The following SRL variants were observed in gnomAD, a reference collection of about 807,000 sequenced individuals.
SRL encodes the protein sarcalumenin.
In SRL, 23 loss-of-function variants were observed where a neutral mutation model predicts 39.5. The observed-to-expected ratio is 0.58, with a 90% CI of 0.42 to 0.82. SRL has a LOEUF of 0.82. Among genes scored for constraint, SRL ranks in the 40% least tolerant of loss-of-function variants. The probability of loss-of-function intolerance (pLI) is 0.00; values close to 1 mark genes in which losing one functional copy is unlikely to be tolerated. For missense variants in SRL, 592 were observed against 607.8 expected (o/e 0.97, Z 0.27); for synonymous variants, 272 against 237.4 (o/e 1.15, Z -1.34).
rs1312472924 is a variant in SRL, at chr16:4,197,775, C to A, written c.376+24G>T. The A allele has an allele frequency of 2.7e-6, 4 of 1,480,592 alleles. No individual in the cohort carries two copies. In the African/African-American group the frequency reaches 5.5e-5, roughly 20 times the overall value. The allele number at this position is 1,480,592 out of a possible 1,614,324, so 91.7% of individuals were successfully genotyped here. A position where few individuals can be genotyped will look rare whatever the true frequency, so the allele number is the denominator to read the frequency against. Reference sequence around the variant, plus strand: ...TTTACATACAACATTCAAATCCCAACAATCACACAAGAATATTGATTACCT... The same window carrying A: ...TTTACATACAACATTCAAATCCCAAAAATCACACAAGAATATTGATTACCT... On this transcript the variant is annotated intron_variant, in intron 4 of 5. Transcript: ENST00000399609.
chr16:4,230,026 C>A (rs1256041099), intron 1 of SRL, among the ~76,000 whole-genome samples: 2 of 152,084 alleles, frequency 1.3e-5, no homozygotes, highest in South Asian at 4.1e-4. Context: ...GACCTCCATC[C>A]CTTTCCCCTC....
intron 1 of SRL, among the ~76,000 whole-genome samples, chr16:4,228,684 A>G (rs536527820): frequency 6.7e-4 from 102 of 152,000 alleles, no homozygotes; most frequent in South Asian, 5.0e-3. Context: ...GCAGTGAGCC[A>G]AGATCATGCC....
intron 1 of SRL, among the ~76,000 whole-genome samples, chr16:4,230,417 G>C (rs1487593526): frequency 1.4e-5 from 2 of 145,042 alleles, no homozygotes; most frequent in Non-Finnish European, 3.0e-5. Flanking sequence ...GTCTTGCCCT[G>C]TCGCCCAGGC....
chr16:4,236,945 CTT>C (rs369909353), intron 1 of SRL, among the ~76,000 whole-genome samples: 16 of 143,178 alleles, frequency 1.1e-4, no homozygotes, highest in African/African-American at 1.3e-4. Flanking sequence ...CAGCCGTGAA[CTT>C]TTTTTTTTTT....
chr16:4,195,377 T>C (rs1435826171), intron 5 of SRL, among the ~76,000 whole-genome samples, 176 bp downstream of exon 5: 1 of 152,046 alleles, frequency 6.6e-6, no homozygotes, highest in African/African-American at 2.4e-5. Flanking sequence ...TTAAATTTTT[T>C]TGTAGAGATG....
At chr16:4,226,806 T>C (rs909369098) in intron 1 of SRL, among the ~76,000 whole-genome samples, 6 of 148,974 alleles carry the variant, frequency 4.0e-5, no homozygotes, top group South Asian at 2.2e-4. Context: ...GCTGAATGGA[T>C]GGATGGATGG....
chr16:4,192,991 A>T lies in SRL; in HGVS notation c.611-27T>A, dbSNP rs1390555567. 1 of 1,586,420 alleles carries T rather than the reference A, an allele frequency of 6.3e-7. No individual in the cohort carries two copies. Among genetic ancestry groups the T allele is most frequent in the East Asian group, 2.2e-5 (1 of 44,640 alleles). On this transcript the variant is annotated intron_variant, in intron 5 of 5. Coordinates refer to ENST00000399609, the MANE Select transcript of SRL (RefSeq NM_001098814.2). This position sits in a 1 kb window ranked among gnomAD's most constrained non-coding sequence, Gnocchi z 4.0. The stretch of plus-strand genomic sequence containing the variant: ...TTTGGGAGACAGAAGTGAGAAGTCA[A>T]ACTGAGTAGGCCTCCCTCAAAGCCC...
In SRL at chr16:4,202,290, C is replaced by T. The variant is rs140275397; in HGVS notation, c.259+876G>A. On this transcript the variant is annotated intron_variant, in intron 3 of 5. Coordinates refer to ENST00000399609, the MANE Select transcript of SRL (RefSeq NM_001098814.2). ...TATAACGATGTGTTTCTCTGGGAGT[C>T]GAATTAAAGAAGTTGGAGGTCGGCT... is the stretch of plus-strand genomic sequence containing the variant. Among the ~76,000 whole-genome samples the T allele has an allele frequency of 1.7e-4, 26 of 152,214 alleles. No individual in the cohort carries two copies. The East Asian group carries it at 4.8e-3, about 28-fold the overall frequency.
chr16:4,238,866 C>A (rs2052741946), intron 1 of SRL, among the ~76,000 whole-genome samples: 1 of 151,980 alleles, frequency 6.6e-6, no homozygotes, highest in South Asian at 2.1e-4. Context: ...AGCGATCCTC[C>A]CACCTTGGGT....
Position 4,190,236 on chromosome 16 carries a change from C to G in SRL, c.*1917G>C. ...AACCGGGAATTCCTAACTCGAGGTT[C>G]TCCTCATAGACCTAACCTGACTGCC... is the stretch of plus-strand genomic sequence containing the variant. On this transcript the variant is annotated 3_prime_UTR_variant, in exon 6 of 6. Transcript: ENST00000399609. The G allele has an allele frequency of 2.5e-6, 1 of 398,816 alleles. No homozygotes were observed. Among genetic ancestry groups the G allele is most frequent in the East Asian group, 3.6e-5 (1 of 28,080 alleles). The allele number at this position is 398,816 out of a possible 1,614,324, so 24.7% of individuals were successfully genotyped here. A position where few individuals can be genotyped will look rare whatever the true frequency, so the allele number is the denominator to read the frequency against.
chr16:4,198,842 G>A (rs2052183450), intron 3 of SRL, among the ~76,000 whole-genome samples: 1 of 152,196 alleles, frequency 6.6e-6, no homozygotes. Flanking sequence ...CTTGGGTCCT[G>A]CATCCAATGT....
At chr16:4,193,064 A>G (rs1443962126) in intron 5 of SRL, 100 bp from the exon 6 acceptor site, 3 of 1,038,406 alleles carry the variant, frequency 2.9e-6, no homozygotes, top group Admixed American at 2.6e-5. Flanking sequence ...GAAAGAAGGA[A>G]CAGCGCTACG....
intron 1 of SRL, among the ~76,000 whole-genome samples, chr16:4,224,730 A>T (rs773426769): frequency 6.6e-6 from 1 of 152,116 alleles, no homozygotes; most frequent in South Asian, 2.1e-4. Context: ...GAGAAAAAAA[A>T]AAAGAAAAAA....
rs189537763 is a variant in SRL, at chr16:4,204,213, C to G, written c.163+320G>C. Among the ~76,000 whole-genome samples the G allele has an allele frequency of 7.9e-5, 12 of 152,308 alleles. No homozygotes were observed. In the South Asian group the frequency reaches 2.5e-3, roughly 32 times the overall value. On this transcript the variant is annotated intron_variant, in intron 2 of 5. Coordinates refer to ENST00000399609, the MANE Select transcript of SRL (RefSeq NM_001098814.2). ...CGGCTTTATAAACTAAAAATCACAG[C>G]GAGGGAGATGGCATCAGCACAGCAT... is the stretch of plus-strand genomic sequence containing the variant.
In SRL at chr16:4,192,598, A is replaced by T; in HGVS notation, c.977T>A (p.Leu326Gln). ...EDLNQVIENRLENKIAFIRQH... is the reference protein window; with the variant it reads ...EDLNQVIENRQENKIAFIRQH... ...GCGGATGAAGGCAATCTTGTTCTCC[A>T]GTCTGTTCTCGATCACCTGATTCAG... The change falls in exon 6 of 6, where the codon CTG becomes CAG. Residue 326 changes from leucine to glutamine, a missense_variant. Leu to Gln is a moderately radical substitution (Grantham distance 113, BLOSUM62 -2). Transcript: ENST00000399609. This position sits in a 1 kb window ranked among gnomAD's most constrained non-coding sequence, Gnocchi z 4.0. 3 of 1,614,180 alleles carry T rather than the reference A, an allele frequency of 1.9e-6. No homozygotes were observed. Among genetic ancestry groups the T allele is most frequent in the Non-Finnish European group, 1.7e-6 (2 of 1,180,030 alleles).
Position 4,195,608 on chromosome 16 carries a change from C to T in SRL, c.555G>A (p.Arg185=). 6.2e-7 allele frequency: 1 copy of T among 1,614,160 alleles called. No individual in the cohort carries two copies. The change falls in exon 5 of 6, where the codon AGG becomes AGA. Residue 185 remains arginine (R), a synonymous_variant. Coordinates refer to ENST00000399609, the MANE Select transcript of SRL (RefSeq NM_001098814.2). ...TGCCTGGTGTATCCACAAAAGTGAC[C>T]CTCTCCAGAAGTTTGTGGGGAACCT... ...GIEVPHKLLE[R]VTFVDTPGII...
chr16:4,239,088 G>C (rs538718553), intron 1 of SRL, among the ~76,000 whole-genome samples: 1 of 152,338 alleles, frequency 6.6e-6, no homozygotes, highest in African/African-American at 2.4e-5. Context: ...CTCTCCCCAA[G>C]ACCCCTGAGC....
chr16:4,217,330 G>A (rs1170784362), intron 1 of SRL, among the ~76,000 whole-genome samples: 1 of 152,168 alleles, frequency 6.6e-6, no homozygotes, highest in Non-Finnish European at 1.5e-5. Context: ...GCAGCAGTGT[G>A]ACGAAAGCTC....
At chr16:4,206,620 G>C (rs536834035) in intron 1 of SRL, 13 of 449,140 alleles carry the variant, frequency 2.9e-5, no homozygotes, top group African/African-American at 2.4e-4. Context: ...AAAAGGGCCT[G>C]CCACCCTCTG....
Sources: allele counts gnomAD v4.1 joint callset (sites outside exome capture counted in the v4.1 genomes callset), GRCh38; gene constraint gnomAD v4.1.1; non-coding constraint Gnocchi (gnomAD v3.1); transcripts MANE v1.5; gene names NCBI Gene and HGNC (gene_info 2026-07-23, HGNC 2026-07-21).